The following SSBP2 variants were observed in gnomAD, a reference collection of about 807,000 sequenced individuals.
The protein encoded by SSBP2 is single-stranded DNA-binding protein 2.
Under a neutral mutation model 61.8 loss-of-function variants are expected in SSBP2, and 17 were observed. That is an observed-to-expected ratio of 0.28 (90% confidence interval 0.19 to 0.41). The LOEUF (loss-of-function observed/expected upper bound fraction) is 0.41, where lower values mean the gene tolerates loss of function less well. Ranked by LOEUF, SSBP2 falls within the 10% of genes least tolerant of loss-of-function variation. The pLI, the probability that SSBP2 is intolerant of heterozygous loss-of-function variation, is 1.00. For synonymous variants in SSBP2, 139 were observed against 141.3 expected, an observed-to-expected ratio of 0.98 and a Z score of 0.12; for missense variants, 310 against 458.7, an observed-to-expected ratio of 0.68 and a Z score of 2.96.
At chr5:81,669,789 GAAGAA>G (rs1751451803) in intron 1 of SSBP2, among the ~76,000 whole-genome samples, 1 of 149,722 alleles carries the variant, frequency 6.7e-6, no homozygotes, top group African/African-American at 2.5e-5. Context: ...TGTTTTTAAA[GAAGAA>G]ATGAAGAAAA....
chr5:81,420,292 C>T lies in SSBP2; in HGVS notation c.*212G>A. The T allele has an allele frequency of 1.7e-6, 1 of 588,320 alleles. No homozygotes were observed. The highest frequency in any genetic ancestry group is 3.0e-6 in the Non-Finnish European group (1 of 328,694). The allele number at this position is 588,320 out of a possible 1,614,324, so 36.4% of individuals were successfully genotyped here. A position where few individuals can be genotyped will look rare whatever the true frequency, so the allele number is the denominator to read the frequency against. On this transcript the variant is annotated 3_prime_UTR_variant, in exon 17 of 17. Transcript: ENST00000320672. ...TAATTATTTGCAGTTCAGTTTAGGG[C>T]AATTCTAATATGCCACTCCGTACAG...
At chr5:81,724,623 C>T (rs527755294) in intron 1 of SSBP2, among the ~76,000 whole-genome samples, 2 of 152,092 alleles carry the variant, frequency 1.3e-5, no homozygotes, top group African/African-American at 4.8e-5. Context: ...CACCTCACAG[C>T]CTATACAAAG....
chr5:81,488,010 A>AATATATATATATATAT (rs59039206), intron 6 of SSBP2, among the ~76,000 whole-genome samples: 26 of 38,896 alleles, frequency 6.7e-4, no homozygotes, highest in South Asian at 1.3e-3. Flanking sequence ...ATGGCCAAAT[A>AATATATATATATATAT]ATATATATAT....
chr5:81,478,635 C>A (rs768942350), intron 6 of SSBP2, among the ~76,000 whole-genome samples: 3 of 152,140 alleles, frequency 2.0e-5, no homozygotes, highest in Non-Finnish European at 4.4e-5. Flanking sequence ...CCACACCCGG[C>A]CTATTTTTAT....
In SSBP2 at chr5:81,457,686, A is replaced by T. The variant is rs548860332; in HGVS notation, c.687+3369T>A. Reference sequence around the variant, plus strand: ...CAAAATTTTTTTTTTTTTGAGACCGAGTTTTACTCTTGTTGCCCAGGCTGG... The same window carrying T: ...CAAAATTTTTTTTTTTTTGAGACCGTGTTTTACTCTTGTTGCCCAGGCTGG... On this transcript the variant is annotated intron_variant, in intron 10 of 16. Coordinates refer to ENST00000320672, the MANE Select transcript of SSBP2 (RefSeq NM_012446.5). Among the ~76,000 whole-genome samples the T allele has an allele frequency of 1.6e-4, 24 of 151,614 alleles. No individual in the cohort carries two copies. The South Asian group carries it at 4.8e-3, about 30-fold the overall frequency.
chr5:81,613,110 C>G (rs1174414882), intron 4 of SSBP2, among the ~76,000 whole-genome samples: 3 of 151,980 alleles, frequency 2.0e-5, no homozygotes, highest in Non-Finnish European at 4.4e-5. Flanking sequence ...AAAAACAAAT[C>G]AGAGATGTAT....
chr5:81,506,181 G>T (rs113791795), intron 5 of SSBP2, among the ~76,000 whole-genome samples: 122 of 152,142 alleles, frequency 8.0e-4, no homozygotes, highest in African/African-American at 2.7e-3. Flanking sequence ...AACAGGGAAA[G>T]ATCTGTTCTA....
At position 81,673,001 on chromosome 5, in the gene SSBP2, C is replaced by T. The variant is rs549905954; in HGVS notation, c.63-22662G>A. Reference sequence around the variant, plus strand: ...TACAGGCGCCTTGCCACCACGATGGCTAATTTTTGTATTTTTAGTAGAGAC... The same window carrying T: ...TACAGGCGCCTTGCCACCACGATGGTTAATTTTTGTATTTTTAGTAGAGAC... On this transcript the variant is annotated intron_variant, in intron 1 of 16. Coordinates refer to ENST00000320672, the MANE Select transcript of SSBP2 (RefSeq NM_012446.5). Among the ~76,000 whole-genome samples, 67 of 151,874 alleles carry T rather than the reference C, an allele frequency of 4.4e-4. No individual in the cohort carries two copies. The South Asian group carries it at 0.014, about 32-fold the overall frequency.
chr5:81,655,467 A>G lies in SSBP2; in HGVS notation c.63-5128T>C, dbSNP rs539417525. Among the ~76,000 whole-genome samples, 134 of 152,346 alleles carry G rather than the reference A, an allele frequency of 8.8e-4. 1 individual carries two copies. The highest frequency in any genetic ancestry group is 3.0e-3 in the African/African-American group (126 of 41,584). On this transcript the variant is annotated intron_variant, in intron 1 of 16. Transcript: ENST00000320672. ...AAAGCCTATCAATGATTAATGGATC[A>G]TACATCTTTAAATTATCTTCATTTC...
chr5:81,542,817 T>TTCTCTCTCTCTCCCTCTCTCTCTCTCTC (rs1771386461), intron 4 of SSBP2, among the ~76,000 whole-genome samples: 1 of 106,724 alleles, frequency 9.4e-6, no homozygotes, highest in African/African-American at 4.1e-5. Flanking sequence ...ATTTGACAGT[T>TTCTCTCTCTCTCCCTCTCTCTCTCTCTC]TCTCTCTCTC....
intron 1 of SSBP2, among the ~76,000 whole-genome samples, chr5:81,696,849 T>C (rs908266724): frequency 1.3e-5 from 2 of 152,192 alleles, no homozygotes; most frequent in Non-Finnish European, 2.9e-5. Flanking sequence ...AGCAGGAACC[T>C]TGCATGCCTT....
intron 16 of SSBP2, among the ~76,000 whole-genome samples, chr5:81,426,846 T>G (rs1199843279): frequency 6.6e-6 from 1 of 152,212 alleles, no homozygotes; most frequent in African/African-American, 2.4e-5. Context: ...GTGAAAGTCA[T>G]GTGGAAGCTT....
chr5:81,429,766 A>G (rs1267941695), intron 15 of SSBP2, among the ~76,000 whole-genome samples: 1 of 152,190 alleles, frequency 6.6e-6, no homozygotes, highest in Non-Finnish European at 1.5e-5. Flanking sequence ...ATAAAAATTA[A>G]CATTTCATGA....
At chr5:81,599,690 A>C (rs1744149597) in intron 4 of SSBP2, among the ~76,000 whole-genome samples, 1 of 152,232 alleles carries the variant, frequency 6.6e-6, no homozygotes, top group South Asian at 2.1e-4. Flanking sequence ...TTCAAAATTC[A>C]GCTCTGACAT....
intron 1 of SSBP2, among the ~76,000 whole-genome samples, chr5:81,653,022 C>T (rs577169962): frequency 6.6e-6 from 1 of 151,246 alleles, no homozygotes; most frequent in East Asian, 2.0e-4. Context: ...TATGTATACA[C>T]ATGCCACGGT....
intron 1 of SSBP2, among the ~76,000 whole-genome samples, chr5:81,734,060 G>A (rs1199490542): frequency 6.6e-6 from 1 of 152,140 alleles, no homozygotes; most frequent in African/African-American, 2.4e-5. Flanking sequence ...ACAAAAGGAT[G>A]ACATTTTCTG....
chr5:81,633,108 CTTTTTTTTTTTTT>C (rs143423636), intron 3 of SSBP2, among the ~76,000 whole-genome samples: 7 of 64,830 alleles, frequency 1.1e-4, no homozygotes, highest in Admixed American at 2.3e-4. Context: ...GAGCCTCTGT[CTTTTTTTTTTTTT>C]TTTTTTTTTT....
At chr5:81,670,746 A>T (rs1751526438) in intron 1 of SSBP2, among the ~76,000 whole-genome samples, 1 of 152,120 alleles carries the variant, frequency 6.6e-6, no homozygotes, top group African/African-American at 2.4e-5. Flanking sequence ...CCATTTTGGC[A>T]TTTAAATCTA....
intron 6 of SSBP2, among the ~76,000 whole-genome samples, chr5:81,488,065 A>AT: frequency 1.0e-5 from 1 of 97,340 alleles, no homozygotes; most frequent in South Asian, 3.5e-4. Context: ...ATATAAATAA[A>AT]ATATCATATA....
Sources: gnomAD v4.1 joint callset for allele counts (sites outside exome capture counted in the v4.1 genomes callset) on GRCh38, gnomAD v4.1.1 for gene constraint, MANE v1.5 for transcripts, NCBI Gene and HGNC (gene_info 2026-07-23, HGNC 2026-07-21) for gene names.